The following RAB8A variants were observed in gnomAD, a reference collection of about 807,000 sequenced individuals.
RAB8A encodes the protein ras-related protein Rab-8A.
Under a neutral mutation model 29.2 loss-of-function variants are expected in RAB8A, and 5 were observed. That is an observed-to-expected ratio of 0.17 (90% CI 0.09 to 0.36). The LOEUF is 0.36. Ranked by LOEUF, RAB8A falls within the 10% of genes least tolerant of loss-of-function variation. The pLI is 1.00. For synonymous variants in RAB8A, 108 were observed against 99.9 expected (o/e 1.08, Z -0.49); for missense variants, 171 against 272.2 (o/e 0.63, Z 2.62).
rs1357026152 is a variant in RAB8A at position 16,132,644 on chromosome 19, G to A, written c.*340G>A. The A allele has an allele frequency of 3.7e-6, 1 of 270,310 alleles. No individual in the cohort carries two copies. Among genetic ancestry groups the A allele is most frequent in the Non-Finnish European group, 7.2e-6 (1 of 138,032 alleles). The allele number at this position is 270,310 out of a possible 1,614,324, so 16.7% of individuals were successfully genotyped here. A position where few individuals can be genotyped will look rare whatever the true frequency, so the allele number is the denominator to read the frequency against. ...GCCTCTGCCTCTGGGCCTTTGCTTTGTGGCCTCACTGCAACACAAAGCTCC... is the reference window on the plus strand; with the variant it reads ...GCCTCTGCCTCTGGGCCTTTGCTTTATGGCCTCACTGCAACACAAAGCTCC... On this transcript the variant is annotated 3_prime_UTR_variant, in exon 8 of 8. Coordinates refer to ENST00000300935, the MANE Select transcript of RAB8A (RefSeq NM_005370.5). This position sits in a 1 kb window ranked among gnomAD's most constrained non-coding sequence, Gnocchi z 5.6.
At chr19:16,114,551 A>ATT (rs758614217) in intron 1 of RAB8A, among the ~76,000 whole-genome samples, 18,820 of 117,628 alleles carry the variant, frequency 0.16, 1,634 homozygotes, top group East Asian at 0.29. Flanking sequence ...TAATTTTTGT[A>ATT]TTTTTTTTTT....
chr19:16,125,466 G>T lies in RAB8A; in HGVS notation c.247-4G>T, dbSNP rs367845694. 1.9e-6 allele frequency: 3 copies of T among 1,613,684 alleles called. No homozygotes were observed. Among genetic ancestry groups the T allele is most frequent in the East Asian group, 2.2e-5 (1 of 44,882 alleles). On this transcript the variant is annotated splice_region_variant and splice_polypyrimidine_tract_variant and intron_variant, in intron 3 of 7. Coordinates refer to ENST00000300935, the MANE Select transcript of RAB8A (RefSeq NM_005370.5). This position sits in a 1 kb window ranked among gnomAD's most constrained non-coding sequence, Gnocchi z 5.0. ...AGGCACCTGTGTCTTCTCTCCCCGC[G>T]CAGGGCATCATGCTGGTCTACGACA...
rs542019171 is a variant in RAB8A, at chr19:16,112,275, T to C, written c.124+250T>C. The C allele has an allele frequency of 6.4e-5, 33 of 513,980 alleles. No individual in the cohort carries two copies. The South Asian group carries it at 6.7e-4, about 10-fold the overall frequency. 31.8% of individuals were successfully genotyped at this position (513,980 alleles called of 1,614,324 possible). On this transcript the variant is annotated intron_variant, in intron 1 of 7. Transcript: ENST00000300935. ...GACCCTCAGCCCGCTCGTTAGGGCG[T>C]GTTATGTCTTGGGCTGGGGTCTTCG... is the stretch of plus-strand genomic sequence containing the variant.
Position 16,111,969 on chromosome 19 carries a change from G to C in RAB8A, c.68G>C (p.Cys23Ser). 6.2e-7 allele frequency: 1 copy of C among 1,614,078 alleles called. No homozygotes were observed. Among genetic ancestry groups the C allele is most frequent in the Non-Finnish European group, 8.5e-7 (1 of 1,179,904 alleles). ...GGGGACTCGGGGGTGGGGAAGACCT[G>C]TGTCCTGTTCCGCTTCTCCGAGGAC... ...LIGDSGVGKT[C>S]VLFRFSEDAF... The change falls in exon 1 of 8, where the codon TGT becomes TCT. Residue 23 changes from cysteine to serine, a missense_variant. Around this residue, in one of 3 missense-constraint regions of RAB8A, gnomAD observed 26 missense variants for 42.9 expected, o/e 0.61. Transcript: ENST00000300935.
Position 16,127,506 on chromosome 19 carries a change from T to C in RAB8A, c.394T>C (p.Ser132Pro). Residue 132 changes from serine to proline, a missense_variant, in exon 5 of 8, where the codon TCC (serine) becomes CCC (proline). Ser to Pro is a moderately conservative substitution (Grantham distance 74). Coordinates refer to ENST00000300935, the MANE Select transcript of RAB8A (RefSeq NM_005370.5). The surrounding 1 kb of genome is among the most constrained non-coding windows in gnomAD (Gnocchi z 4.8). ...TGATGTGAATGACAAGAGACAAGTT[T>C]CCAAGGAACGGGGAGAAAAGGTGGG... ...KCDVNDKRQV[S>P]KERGEKLALD... 1 of 1,542,028 alleles carries C rather than the reference T, an allele frequency of 6.5e-7. No individual in the cohort carries two copies. Among genetic ancestry groups the C allele is most frequent in the Non-Finnish European group, 8.7e-7 (1 of 1,147,892 alleles).
Position 16,122,904 on chromosome 19 carries a change from G to C in RAB8A, c.246+1094G>C, listed in dbSNP as rs2090881354. Among the ~76,000 whole-genome samples the C allele has an allele frequency of 1.3e-5, 2 of 152,142 alleles. No homozygotes were observed. Among genetic ancestry groups the C allele is most frequent in the Admixed American group, 6.6e-5 (1 of 15,266 alleles). ...CGGCCTGAGGGCACTGGGGTCTTGG[G>C]GAGCTTCAGCCTCTGGAGAAAACTG... is the stretch of plus-strand genomic sequence containing the variant. On this transcript the variant is annotated intron_variant, in intron 3 of 7. Coordinates refer to ENST00000300935, the MANE Select transcript of RAB8A (RefSeq NM_005370.5). This position sits in a 1 kb window ranked among gnomAD's most constrained non-coding sequence, Gnocchi z 4.7.
At chr19:16,119,837 G>C (rs2090865676) in intron 2 of RAB8A, among the ~76,000 whole-genome samples, 1 of 151,452 alleles carries the variant, frequency 6.6e-6, no homozygotes. Flanking sequence ...TTTTGAGACA[G>C]AGTTTTGCTC....
chr19:16,115,334 G>A (rs1305207124), intron 1 of RAB8A, among the ~76,000 whole-genome samples: 1 of 152,058 alleles, frequency 6.6e-6, no homozygotes, highest in South Asian at 2.1e-4. Flanking sequence ...GTACCTCTGG[G>A]TTTTCTTTAT....
At chr19:16,114,142 C>G (rs2090835559) in intron 1 of RAB8A, among the ~76,000 whole-genome samples, 1 of 151,940 alleles carries the variant, frequency 6.6e-6, no homozygotes, top group South Asian at 2.1e-4. Context: ...AGTGGCTCAC[C>G]CATGTAGACC....
intron 1 of RAB8A, among the ~76,000 whole-genome samples, chr19:16,114,096 A>G (rs972702483): frequency 3.3e-5 from 5 of 151,774 alleles, no homozygotes; most frequent in Admixed American, 1.3e-4. Context: ...GGCAAACCCC[A>G]TCTCTACAAA....
chr19:16,127,381 A>G lies in RAB8A; in HGVS notation c.325-56A>G. ...CTGGGGACAGACTGTGTGTTGGCAGAGGCACCTGGCCTGTGTCATCCGGTC... is the reference window on the plus strand; with the variant it reads ...CTGGGGACAGACTGTGTGTTGGCAGGGGCACCTGGCCTGTGTCATCCGGTC... On this transcript the variant is annotated intron_variant, in intron 4 of 7. Transcript: ENST00000300935. The surrounding 1 kb of genome is among the most constrained non-coding windows in gnomAD (Gnocchi z 4.8). The G allele has an allele frequency of 8.5e-7, 1 of 1,178,570 alleles. No homozygotes were observed. The highest frequency in any genetic ancestry group is 1.1e-6 in the Non-Finnish European group (1 of 879,028). The allele number at this position is 1,178,570 out of a possible 1,614,324, so 73.0% of individuals were successfully genotyped here.
At chr19:16,115,924 TC>T (rs2090844119) in intron 1 of RAB8A, among the ~76,000 whole-genome samples, 1 of 152,024 alleles carries the variant, frequency 6.6e-6, no homozygotes. Flanking sequence ...CCTCAAGTCT[TC>T]CCCAGCAGGC....
chr19:16,128,073 C>T lies in RAB8A; in HGVS notation c.462C>T (p.Ala154=). 1 of 1,614,124 alleles carries T rather than the reference C, an allele frequency of 6.2e-7. No homozygotes were observed. Among genetic ancestry groups the T allele is most frequent in the Non-Finnish European group, 8.5e-7 (1 of 1,179,998 alleles). Residue 154 remains alanine, a synonymous_variant, in exon 6 of 8, where the codon GCC becomes GCT. Coordinates refer to ENST00000300935, the MANE Select transcript of RAB8A (RefSeq NM_005370.5). ...GIKFMETSAK[A]NINVENAFFT... is the part of the protein sequence containing the mutation. ...AGTTCATGGAGACCAGCGCGAAGGCCAACATCAATGTGGAAAATGTGAGTC... is the reference window on the plus strand; with the variant it reads ...AGTTCATGGAGACCAGCGCGAAGGCTAACATCAATGTGGAAAATGTGAGTC...
At chr19:16,126,590 G>T (rs151002639) in intron 4 of RAB8A, 3 of 152,332 alleles carry the variant, frequency 2.0e-5, no homozygotes, top group Admixed American at 6.5e-5. Context: ...CTGCCTTTGG[G>T]TATGAGGGCA....
chr19:16,114,277 TA>T (rs1599393940), intron 1 of RAB8A, among the ~76,000 whole-genome samples: 2 of 150,808 alleles, frequency 1.3e-5, no homozygotes, highest in East Asian at 3.9e-4. Context: ...TAAAAAATAA[TA>T]ATAAAAATAA....
rs1043018004 is a variant in RAB8A at position 16,125,167 on chromosome 19, G to T, written c.247-303G>T. On this transcript the variant is annotated intron_variant, in intron 3 of 7. Coordinates refer to ENST00000300935, the MANE Select transcript of RAB8A (RefSeq NM_005370.5). The surrounding 1 kb of genome is among the most constrained non-coding windows in gnomAD (Gnocchi z 5.0). ...GGCTGCACCACCCCGTGGGCCATGA[G>T]GGGAGCCAGCCGGGCTTGTCAGCGA... 1.2e-5 allele frequency: 6 copies of T among 488,614 alleles called. No homozygotes were observed. The highest frequency in any genetic ancestry group is 1.2e-4 in the African/African-American group (6 of 51,616). 30.3% of individuals were successfully genotyped at this position (488,614 alleles called of 1,614,324 possible). A position where few individuals can be genotyped will look rare whatever the true frequency, so the allele number is the denominator to read the frequency against.
At chr19:16,112,073 C>G in intron 1 of RAB8A, 48 bp downstream of exon 1, 1 of 1,605,096 alleles carries the variant, frequency 6.2e-7, no homozygotes, top group Non-Finnish European at 8.5e-7. Flanking sequence ...CCGGGCTGGG[C>G]GCGCCCCTGA....
In RAB8A at chr19:16,125,533, C is replaced by T. The variant is rs2090896109; in HGVS notation, c.310C>T (p.Arg104Cys). 6.2e-7 allele frequency: 1 copy of T among 1,613,726 alleles called. No individual in the cohort carries two copies. The highest frequency in any genetic ancestry group is 8.5e-7 in the Non-Finnish European group (1 of 1,179,670). ...CTTCGACAACATCCGGAACTGGATT[C>T]GCAACATTGAGGAGGTGAGGCCCTC... ...KSFDNIRNWI[R>C]NIEEHASADV... The change falls in exon 4 of 8, where the codon CGC (arginine) becomes TGC (cysteine). Residue 104 changes from arginine (R) to cysteine (C), a missense_variant. By Grantham distance (180) the Arg-to-Cys change is radical. Transcript: ENST00000300935. The surrounding 1 kb of genome is among the most constrained non-coding windows in gnomAD (Gnocchi z 5.0).
chr19:16,114,464 C>T (rs1263133753), intron 1 of RAB8A, among the ~76,000 whole-genome samples: 1 of 149,892 alleles, frequency 6.7e-6, no homozygotes, highest in Non-Finnish European at 1.5e-5. Context: ...GCAACTTCCA[C>T]CTCCCAGGTT....
Sources: allele counts gnomAD v4.1 joint callset (sites outside exome capture counted in the v4.1 genomes callset), GRCh38; gene constraint gnomAD v4.1.1; regional missense constraint gnomAD v4.1.1; non-coding constraint Gnocchi (gnomAD v3.1); transcripts MANE v1.5; gene names NCBI Gene and HGNC (gene_info 2026-07-23, HGNC 2026-07-21).